The following FUT8 variants were observed in gnomAD, a reference collection of about 807,000 sequenced individuals.
The protein encoded by FUT8 is alpha-(1,6)-fucosyltransferase.
FUT8 carries 29 observed loss-of-function variants against 71.3 expected under a neutral mutation model. That is an observed-to-expected ratio of 0.41 (90% CI 0.30 to 0.55). The LOEUF (loss-of-function observed/expected upper bound fraction) is 0.55, where lower values mean the gene tolerates loss of function less well. Among genes scored for constraint, FUT8 ranks in the 20% least tolerant of loss-of-function variants. The pLI is 0.34. For synonymous variants in FUT8, 254 were observed against 239.3 expected (o/e 1.06, Z -0.57); for missense variants, 544 against 702.1 (o/e 0.77, Z 2.55).
intron 6 of FUT8, among the ~76,000 whole-genome samples, chr14:65,635,478 C>T (rs1890498557): frequency 6.6e-6 from 1 of 152,092 alleles, no homozygotes; most frequent in Admixed American, 6.5e-5. Context: ...GTGGGTTTGT[C>T]ATAGCTTTTA....
intron 2 of FUT8, among the ~76,000 whole-genome samples, chr14:65,480,370 A>G (rs1350522956): frequency 7.1e-6 from 1 of 141,380 alleles, no homozygotes; most frequent in Non-Finnish European, 1.5e-5. Context: ...GTGCAGTGGC[A>G]TGAACATCTT....
At chr14:65,566,982 C>G (rs1285264593) in intron 3 of FUT8, among the ~76,000 whole-genome samples, 2 of 151,864 alleles carry the variant, frequency 1.3e-5, no homozygotes, top group Non-Finnish European at 2.9e-5. Context: ...TTGGTTTGTG[C>G]AGAAATCCCC....
intron 2 of FUT8, among the ~76,000 whole-genome samples, chr14:65,547,620 G>A (rs1000942387): frequency 6.6e-6 from 1 of 151,720 alleles, no homozygotes; most frequent in African/African-American, 2.4e-5. Context: ...AGCCTGAAAA[G>A]TATCCTTTTA....
intron 2 of FUT8, among the ~76,000 whole-genome samples, chr14:65,460,219 A>G (rs1201358831): frequency 6.6e-6 from 1 of 152,212 alleles, no homozygotes; most frequent in Non-Finnish European, 1.5e-5. Flanking sequence ...GTTTCTGCAC[A>G]TTCGCTGAGC....
chr14:65,632,468 G>A (rs148320595), intron 6 of FUT8, among the ~76,000 whole-genome samples: 2 of 152,272 alleles, frequency 1.3e-5, no homozygotes, highest in African/African-American at 4.8e-5. Context: ...ACGTTTCCCT[G>A]ATCATTAGTG....
chr14:65,499,155 T>C (rs2066606468), intron 2 of FUT8, among the ~76,000 whole-genome samples: 1 of 152,206 alleles, frequency 6.6e-6, no homozygotes, highest in African/African-American at 2.4e-5. Flanking sequence ...GCTCAAGTGA[T>C]TCTCCTGCCT....
At chr14:65,618,734 A>G (rs910776315) in intron 5 of FUT8, among the ~76,000 whole-genome samples, 4 of 152,340 alleles carry the variant, frequency 2.6e-5, no homozygotes, top group African/African-American at 9.6e-5. Context: ...TAATTTTTAT[A>G]TGATACAAAA....
intron 3 of FUT8, among the ~76,000 whole-genome samples, chr14:65,611,396 T>G (rs1459435347): frequency 6.7e-6 from 1 of 150,004 alleles, no homozygotes; most frequent in African/African-American, 2.4e-5. Flanking sequence ...TTTTCTTTCT[T>G]TTTTTTTTAA....
At chr14:65,626,225 A>G (rs1350240176) in intron 5 of FUT8, among the ~76,000 whole-genome samples, 1 of 150,734 alleles carries the variant, frequency 6.6e-6, no homozygotes, top group African/African-American at 2.4e-5. Flanking sequence ...CTAGCATTAA[A>G]AAAAAAAAAT....
intron 6 of FUT8, among the ~76,000 whole-genome samples, chr14:65,668,859 A>G (rs935720902): frequency 1.3e-5 from 2 of 152,212 alleles, no homozygotes; most frequent in African/African-American, 4.8e-5. Flanking sequence ...ATAAAAAAGA[A>G]TGAGATCATG....
intron 2 of FUT8, among the ~76,000 whole-genome samples, chr14:65,509,713 T>G (rs1339502944): frequency 6.6e-6 from 1 of 152,192 alleles, no homozygotes; most frequent in Non-Finnish European, 1.5e-5. Flanking sequence ...TTTAAATTTC[T>G]TTTTCAATTT....
chr14:65,513,199 T>C (rs1333363848), intron 2 of FUT8, among the ~76,000 whole-genome samples: 1 of 152,206 alleles, frequency 6.6e-6, no homozygotes, highest in Admixed American at 6.5e-5. Flanking sequence ...CAAAAAGCAT[T>C]CACAGTGTTT....
intron 2 of FUT8, among the ~76,000 whole-genome samples, chr14:65,509,343 T>C (rs1882182041): frequency 1.3e-5 from 2 of 152,190 alleles, no homozygotes; most frequent in Non-Finnish European, 2.9e-5. Context: ...TAATTTGAAG[T>C]CAGTTAATGT....
intron 2 of FUT8, among the ~76,000 whole-genome samples, chr14:65,493,733 C>A (rs1594696391): frequency 6.6e-6 from 1 of 151,914 alleles, no homozygotes; most frequent in South Asian, 2.1e-4. Flanking sequence ...GAGACCAAAC[C>A]TTTAACATTG....
intron 9 of FUT8, among the ~76,000 whole-genome samples, chr14:65,729,321 C>T (rs1002800164): frequency 2.0e-5 from 3 of 151,930 alleles, no homozygotes; most frequent in African/African-American, 7.3e-5. Flanking sequence ...CCAGCCTAAA[C>T]ATCTTTTTTA....
intron 2 of FUT8, among the ~76,000 whole-genome samples, chr14:65,486,928 T>C (rs1269572391): frequency 6.6e-6 from 1 of 152,192 alleles, no homozygotes; most frequent in African/African-American, 2.4e-5. Flanking sequence ...AGTGATTATA[T>C]GGACATAGAA....
intron 2 of FUT8, among the ~76,000 whole-genome samples, chr14:65,555,152 T>G (rs1885520828): frequency 6.6e-6 from 1 of 152,208 alleles, no homozygotes; most frequent in African/African-American, 2.4e-5. Context: ...AAGAAGTATA[T>G]GTGACAGTGA....
intron 7 of FUT8, among the ~76,000 whole-genome samples, chr14:65,699,291 T>C (rs1566903963): frequency 6.6e-6 from 1 of 152,122 alleles, no homozygotes; most frequent in South Asian, 2.1e-4. Context: ...ATTCCCTGTT[T>C]AGAGGTAATG....
At chr14:65,701,527 G>A (rs79514572) in intron 7 of FUT8, among the ~76,000 whole-genome samples, 3,806 of 152,164 alleles carry the variant, frequency 0.025, 148 homozygotes, top group African/African-American at 0.087. Context: ...TTCTCTAAGG[G>A]TATTATTAAC....
Sources: gnomAD v4.1 joint callset for allele counts (sites outside exome capture counted in the v4.1 genomes callset) on GRCh38, gnomAD v4.1.1 for gene constraint, MANE v1.5 for transcripts, NCBI Gene and HGNC (gene_info 2026-07-23, HGNC 2026-07-21) for gene names.